The following KHDRBS2 variants were observed in gnomAD, a reference collection of about 807,000 sequenced individuals.
KHDRBS2 encodes the protein KH RNA binding domain containing, signal transduction associated 2.
A neutral mutation model predicts 44.3 loss-of-function variants in KHDRBS2; 26 were observed. That is an observed-to-expected ratio of 0.59 (90% CI 0.43 to 0.81). KHDRBS2 has a LOEUF of 0.81. Ranked by LOEUF, KHDRBS2 falls within the 40% of genes least tolerant of loss-of-function variation. The pLI is 0.00. For synonymous variants in KHDRBS2, 194 were observed against 151.1 expected, an observed-to-expected ratio of 1.28 and a Z score of -2.08; for missense variants, 476 against 433.1, an observed-to-expected ratio of 1.10 and a Z score of -0.88.
the KHDRBS2 span, among the ~76,000 whole-genome samples, chr6:61,586,992 C>A: frequency 6.6e-6 from 1 of 152,182 alleles, no homozygotes; most frequent in African/African-American, 2.4e-5. Context: ...TACCTTCTGA[C>A]TAATTTAGCT....
intron 1 of KHDRBS2, 21 bp from the exon 2 acceptor site, chr6:62,177,333 G>T: frequency 3.2e-6 from 5 of 1,558,352 alleles, no homozygotes; most frequent in South Asian, 1.2e-5. Flanking sequence ...ATCACAAGAA[G>T]AAAACAAGTG....
chr6:61,804,764 C>T (rs1394504064), intron 6 of KHDRBS2, among the ~76,000 whole-genome samples: 1 of 152,180 alleles, frequency 6.6e-6, no homozygotes, highest in Non-Finnish European at 1.5e-5. Context: ...TTAGCCATGG[C>T]TGGGATGCAG....
At chr6:61,663,500 C>CATATATACATATATATATATATATATAT in the KHDRBS2 span, among the ~76,000 whole-genome samples, 3 of 35,994 alleles carry the variant, frequency 8.3e-5, no homozygotes, top group Admixed American at 4.9e-4. Context: ...CATGAGACAC[C>CATATATACATATATATATATATATATAT]ATATATATAT....
chr6:62,114,269 AG>A (rs1805691890), intron 2 of KHDRBS2, among the ~76,000 whole-genome samples: 1 of 152,146 alleles, frequency 6.6e-6, no homozygotes, highest in South Asian at 2.1e-4. Context: ...AAGATGCTTC[AG>A]TAACAAAATC....
At chr6:61,572,528 T>C in the KHDRBS2 span, among the ~76,000 whole-genome samples, 1 of 151,866 alleles carries the variant, frequency 6.6e-6, no homozygotes, top group Non-Finnish European at 1.5e-5. Flanking sequence ...CAAAAAAAAC[T>C]ACATATCAAT....
intron 7 of KHDRBS2, among the ~76,000 whole-genome samples, chr6:61,720,473 A>T (rs1337931496): frequency 6.6e-6 from 1 of 152,104 alleles, no homozygotes; most frequent in African/African-American, 2.4e-5. Flanking sequence ...TGCCATTCTA[A>T]CTGGTGTGAG....
chr6:62,032,885 A>T (rs1382291744), intron 3 of KHDRBS2, among the ~76,000 whole-genome samples: 1 of 152,020 alleles, frequency 6.6e-6, no homozygotes, highest in African/African-American at 2.4e-5. Flanking sequence ...CCAAAGATCA[A>T]TCCTGGAGAA....
rs1383238343 is a variant in KHDRBS2 at position 62,273,889 on chromosome 6, AT to A, written c.91+11968del. On this transcript the variant is annotated intron_variant, in intron 1 of 8. Transcript: ENST00000281156. The stretch of plus-strand genomic sequence containing the variant: ...TAGATAGCCAACTTGACCACCCTTT[AT>A]TTTTCAGCCCCTCTATCCAACCCAA... 2.6e-5 allele frequency among the ~76,000 whole-genome samples: 4 copies of A among 152,012 alleles called. 1 individual carries two copies. The highest frequency in any genetic ancestry group is 2.0e-4 in the Admixed American group (3 of 15,270).
At position 62,145,313 on chromosome 6, in the gene KHDRBS2, ATTTAT is replaced by A. The variant is rs200045950; in HGVS notation, c.219+31867_219+31871del. ...ACAGTATCAGTTCATGAATTAATAA[ATTTAT>A]TTTATAGTTTTCTTTCTAATTTATC... is the stretch of plus-strand genomic sequence containing the variant. On this transcript the variant is annotated intron_variant, in intron 2 of 8. Transcript: ENST00000281156. Among the ~76,000 whole-genome samples the A allele has an allele frequency of 1.8e-4, 28 of 151,514 alleles. No homozygotes were observed. In the East Asian group the frequency reaches 5.2e-3, roughly 28 times the overall value.
chr6:61,769,614 C>A lies in KHDRBS2; in HGVS notation c.811-36850G>T, dbSNP rs533155448. The stretch of plus-strand genomic sequence containing the variant: ...AGCAGTCCAAGATCAAACTGCAAGG[C>A]GGCAGCGAGGCTGGGGGGGCGGCGC... On this transcript the variant is annotated intron_variant, in intron 6 of 8. Coordinates refer to ENST00000281156, the MANE Select transcript of KHDRBS2 (RefSeq NM_152688.4). 7.9e-4 allele frequency among the ~76,000 whole-genome samples: 112 copies of A among 141,346 alleles called. 1 individual carries two copies. The highest frequency in any genetic ancestry group is 7.1e-3 in the Middle Eastern group (2 of 282). The allele number at this position is 141,346 out of a possible 152,430, so 92.7% of individuals were successfully genotyped here. A position where few individuals can be genotyped will look rare whatever the true frequency, so the allele number is the denominator to read the frequency against.
chr6:61,894,573 A>G, intron 6 of KHDRBS2, 62 bp downstream of exon 6: 1 of 1,325,536 alleles, frequency 7.5e-7, no homozygotes, highest in East Asian at 2.3e-5. Flanking sequence ...ACAGTTTGAG[A>G]CGTAGCTTGT....
At chr6:62,195,771 C>A (rs957225934) in intron 1 of KHDRBS2, among the ~76,000 whole-genome samples, 1 of 151,978 alleles carries the variant, frequency 6.6e-6, no homozygotes, top group Admixed American at 6.6e-5. Flanking sequence ...ATTCTCATCC[C>A]CAAATAAAGG....
chr6:61,750,730 C>T (rs1305566168), intron 6 of KHDRBS2, among the ~76,000 whole-genome samples: 2 of 148,034 alleles, frequency 1.4e-5, no homozygotes, highest in Admixed American at 6.8e-5. Flanking sequence ...AACTGCCTTT[C>T]TTCTTCTCAT....
At chr6:62,217,103 T>C (rs1830138971) in intron 1 of KHDRBS2, among the ~76,000 whole-genome samples, 1 of 151,284 alleles carries the variant, frequency 6.6e-6, no homozygotes, top group East Asian at 1.9e-4. Context: ...CTGTGTTACA[T>C]TATTATTTAT....
At chr6:61,864,597 C>A (rs1316515918) in intron 6 of KHDRBS2, among the ~76,000 whole-genome samples, 2 of 152,160 alleles carry the variant, frequency 1.3e-5, no homozygotes, top group Admixed American at 1.3e-4. Flanking sequence ...TAGCCTCAAT[C>A]TCTTCTGTCT....
chr6:61,674,104 T>A, the KHDRBS2 span, among the ~76,000 whole-genome samples: 1 of 151,778 alleles, frequency 6.6e-6, no homozygotes, highest in East Asian at 2.0e-4. Context: ...GGAATTTAGA[T>A]TATAAATGAA....
chr6:61,623,580 T>C, the KHDRBS2 span, among the ~76,000 whole-genome samples: 2 of 152,180 alleles, frequency 1.3e-5, no homozygotes, highest in African/African-American at 4.8e-5. Context: ...TAAAGTTGAA[T>C]GGGTCCATTA....
intron 4 of KHDRBS2, among the ~76,000 whole-genome samples, chr6:61,923,604 AAC>A (rs1422197939): frequency 1.3e-5 from 2 of 152,130 alleles, no homozygotes; most frequent in African/African-American, 2.4e-5. Context: ...ATGTAGGAAA[AAC>A]ATTTAACAAA....
chr6:61,860,030 T>C (rs1241337789), intron 6 of KHDRBS2, among the ~76,000 whole-genome samples: 1 of 151,914 alleles, frequency 6.6e-6, no homozygotes, highest in Non-Finnish European at 1.5e-5. Context: ...TGTTTGAGAA[T>C]AAAATTAGAT....
Sources: gnomAD v4.1 joint callset for allele counts (sites outside exome capture counted in the v4.1 genomes callset) on GRCh38, gnomAD v4.1.1 for gene constraint, MANE v1.5 for transcripts, NCBI Gene and HGNC (gene_info 2026-07-23, HGNC 2026-07-21) for gene names.